The following MMS22L variants were observed in gnomAD, a reference collection of about 807,000 sequenced individuals.
The protein encoded by MMS22L is protein MMS22-like.
MMS22L carries 74 observed loss-of-function variants against 159.1 expected under a neutral mutation model. The ratio of observed to expected loss-of-function variants is 0.47; its 90% CI spans 0.39 to 0.56. The LOEUF (loss-of-function observed/expected upper bound fraction) is 0.56. MMS22L is among the 20% of genes least tolerant of loss of function. The pLI is 0.00. For missense variants in MMS22L, 1,351 were observed against 1,422.1 expected (o/e 0.95, Z 0.80); for synonymous variants, 517 against 506.9 (o/e 1.02, Z -0.27).
intron 14 of MMS22L, among the ~76,000 whole-genome samples, chr6:97,225,343 G>A (rs1409006785): frequency 6.6e-6 from 1 of 151,090 alleles, no homozygotes; most frequent in African/African-American, 2.4e-5. Flanking sequence ...AACTGACATT[G>A]TTAACAAACT....
intron 10 of MMS22L, among the ~76,000 whole-genome samples, chr6:97,248,180 C>A (rs1812872241): frequency 6.6e-6 from 1 of 152,192 alleles, no homozygotes. Context: ...TTAACTTGAT[C>A]TGGAAACAGC....
At chr6:97,215,212 C>A (rs1377332527) in intron 14 of MMS22L, among the ~76,000 whole-genome samples, 3 of 151,260 alleles carry the variant, frequency 2.0e-5, no homozygotes, top group African/African-American at 2.4e-5. Flanking sequence ...TAATATTTTA[C>A]TAGTTTCCAG....
At chr6:97,235,457 T>C (rs73494473) in intron 11 of MMS22L, among the ~76,000 whole-genome samples, 12,893 of 152,232 alleles carry the variant, frequency 0.085, 1,030 homozygotes, top group African/African-American at 0.21. Context: ...CTGAGAGCCA[T>C]TTGATATTAT....
intron 14 of MMS22L, among the ~76,000 whole-genome samples, chr6:97,188,580 C>T (rs1354981099): frequency 6.6e-6 from 1 of 152,172 alleles, no homozygotes; most frequent in Non-Finnish European, 1.5e-5. Flanking sequence ...AAATCTGACT[C>T]TGAAGCCCAC....
chr6:97,200,337 G>A (rs1049977861), intron 14 of MMS22L, among the ~76,000 whole-genome samples: 12 of 152,026 alleles, frequency 7.9e-5, no homozygotes, highest in Non-Finnish European at 1.3e-4. Flanking sequence ...TTCTTTAAAA[G>A]GGAGGAAAAG....
At chr6:97,210,974 C>T (rs746342450) in intron 14 of MMS22L, among the ~76,000 whole-genome samples, 70 of 151,982 alleles carry the variant, frequency 4.6e-4, no homozygotes, top group South Asian at 1.9e-3. Flanking sequence ...ACCATGGAGA[C>T]ATAAAAACTT....
chr6:97,225,203 T>C lies in MMS22L; in HGVS notation c.2039+3691A>G, dbSNP rs1218674622. 2.0e-5 allele frequency among the ~76,000 whole-genome samples: 3 copies of C among 152,202 alleles called. 1 individual carries two copies. In the East Asian group the frequency reaches 5.8e-4, roughly 29 times the overall value. ...ACCAAGAAAAGTTCCAGTTAGGAGA[T>C]TCAAGATAAGATGAAGTTGGTGAAT... On this transcript the variant is annotated intron_variant, in intron 14 of 24. Transcript: ENST00000683635.
At chr6:97,239,770 A>G (rs1047362649) in intron 11 of MMS22L, among the ~76,000 whole-genome samples, 2 of 152,280 alleles carry the variant, frequency 1.3e-5, no homozygotes, top group Admixed American at 6.5e-5. Flanking sequence ...TTAGCCAGAC[A>G]TGGTGGCATG....
intron 11 of MMS22L, 122 bp downstream of exon 11, chr6:97,246,506 C>A: frequency 1.4e-6 from 1 of 719,954 alleles, no homozygotes; most frequent in African/African-American, 1.8e-5. Flanking sequence ...TGAGTTAACC[C>A]TTCAAAGCAT....
intron 7 of MMS22L, among the ~76,000 whole-genome samples, chr6:97,269,100 A>G (rs1446920223): frequency 6.6e-6 from 1 of 152,130 alleles, no homozygotes; most frequent in Non-Finnish European, 1.5e-5. Flanking sequence ...CTACTAAAAA[A>G]AGAGGAAAAT....
chr6:97,275,289 G>T (rs1457753704), intron 4 of MMS22L, among the ~76,000 whole-genome samples: 1 of 152,232 alleles, frequency 6.6e-6, no homozygotes, highest in Non-Finnish European at 1.5e-5. Context: ...AGCACTTTGG[G>T]AGGCTGAGGC....
chr6:97,181,942 T>C lies in MMS22L; in HGVS notation c.2346A>G (p.Gln782=). The part of the protein sequence containing the change: ...LFGWDDIICP[Q]VVARYLSHVL... Reference sequence around the variant, plus strand: ...CATGACTTAAATATCTTGCTACAACTTGAGGGCAGATGATATCATCCCAAC... The same window carrying C: ...CATGACTTAAATATCTTGCTACAACCTGAGGGCAGATGATATCATCCCAAC... The change falls in exon 16 of 25, where the codon CAA becomes CAG. Residue 782 remains glutamine (Q), a synonymous_variant. Coordinates refer to ENST00000683635, the MANE Select transcript of MMS22L (RefSeq NM_001350599.2). The C allele has an allele frequency of 6.2e-7, 1 of 1,613,260 alleles. No homozygotes were observed. Among genetic ancestry groups the C allele is most frequent in the Non-Finnish European group, 8.5e-7 (1 of 1,179,690 alleles).
intron 14 of MMS22L, among the ~76,000 whole-genome samples, chr6:97,197,967 C>T (rs1365157623): frequency 2.0e-5 from 3 of 152,180 alleles, no homozygotes; most frequent in South Asian, 4.1e-4. Context: ...TGCTGAAAAA[C>T]GTGTAATTTT....
intron 16 of MMS22L, among the ~76,000 whole-genome samples, chr6:97,181,007 A>G (rs1260908624): frequency 6.6e-6 from 1 of 152,164 alleles, no homozygotes; most frequent in African/African-American, 2.4e-5. Context: ...GATCTCATAA[A>G]CCTACACATA....
chr6:97,177,632 C>G (rs1285290275), intron 18 of MMS22L, among the ~76,000 whole-genome samples: 1 of 151,952 alleles, frequency 6.6e-6, no homozygotes, highest in Non-Finnish European at 1.5e-5. Context: ...AAATAAGGGT[C>G]CAAATGGAAT....
At chr6:97,160,731 A>G (rs931956941) in intron 22 of MMS22L, among the ~76,000 whole-genome samples, 2 of 151,922 alleles carry the variant, frequency 1.3e-5, no homozygotes, top group African/African-American at 4.8e-5. Flanking sequence ...CACCTGTTGT[A>G]TATATGGTGC....
intron 14 of MMS22L, among the ~76,000 whole-genome samples, chr6:97,216,087 A>G (rs1039793042): frequency 1.3e-5 from 2 of 152,184 alleles, no homozygotes; most frequent in Non-Finnish European, 2.9e-5. Flanking sequence ...CTTTTTCCAC[A>G]AGGCGGATGA....
intron 22 of MMS22L, among the ~76,000 whole-genome samples, chr6:97,161,216 T>G (rs1802398524): frequency 6.6e-6 from 1 of 152,070 alleles, no homozygotes; most frequent in African/African-American, 2.4e-5. Context: ...ATATTGCTTC[T>G]GAGGTGATGT....
intron 20 of MMS22L, among the ~76,000 whole-genome samples, chr6:97,165,844 T>A (rs1802912645): frequency 6.6e-6 from 1 of 152,168 alleles, no homozygotes; most frequent in Non-Finnish European, 1.5e-5. Context: ...GGTTATTTTG[T>A]CTAAGACTAT....
Sources: allele counts gnomAD v4.1 joint callset (sites outside exome capture counted in the v4.1 genomes callset), GRCh38; gene constraint gnomAD v4.1.1; transcripts MANE v1.5; gene names NCBI Gene and HGNC (gene_info 2026-07-23, HGNC 2026-07-21).